The following TXLNB variants were observed in gnomAD, a reference collection of about 807,000 sequenced individuals.
TXLNB encodes the protein taxilin beta.
TXLNB carries 37 observed loss-of-function variants against 57.4 expected under a neutral mutation model. That is an observed-to-expected ratio of 0.64 (90% CI 0.50 to 0.85). The LOEUF is 0.85. Among genes scored for constraint, TXLNB ranks in the 40% least tolerant of loss-of-function variants. The pLI is 0.00. For missense variants in TXLNB, 848 were observed against 825.6 expected (o/e 1.03, Z -0.33); for synonymous variants, 302 against 309.6 (o/e 0.98, Z 0.26).
chr6:139,174,339 T>G, the TXLNB span: 2 of 1,564,152 alleles, frequency 1.3e-6, no homozygotes, highest in Non-Finnish European at 1.7e-6. Flanking sequence ...AGATGAAATG[T>G]GATTTCCATG....
the TXLNB span, among the ~76,000 whole-genome samples, chr6:139,185,379 A>C: frequency 6.6e-6 from 1 of 152,228 alleles, no homozygotes; most frequent in Non-Finnish European, 1.5e-5. Flanking sequence ...AATGCAGTTC[A>C]CTTTAAAGAC....
At chr6:139,192,636 G>C in the TXLNB span, among the ~76,000 whole-genome samples, 11 of 152,108 alleles carry the variant, frequency 7.2e-5, no homozygotes, top group African/African-American at 2.4e-4. Flanking sequence ...GTTTTCACTT[G>C]ATCACTCCAC....
intron 6 of TXLNB, among the ~76,000 whole-genome samples, chr6:139,257,218 T>C (rs1776367289): frequency 1.3e-5 from 2 of 152,170 alleles, no homozygotes; most frequent in Non-Finnish European, 2.9e-5. Flanking sequence ...TGTTTAGCGA[T>C]AGTGCTAGAA....
At chr6:139,283,657 A>G (rs1423549926) in intron 2 of TXLNB, among the ~76,000 whole-genome samples, 2 of 145,414 alleles carry the variant, frequency 1.4e-5, no homozygotes, top group East Asian at 4.0e-4. Context: ...GCCCATCACT[A>G]TTTTAGATCT....
At chr6:139,270,874 G>T (rs1257675896) in intron 3 of TXLNB, among the ~76,000 whole-genome samples, 1 of 152,070 alleles carries the variant, frequency 6.6e-6, no homozygotes, top group Non-Finnish European at 1.5e-5. Context: ...ATCTATTTTT[G>T]GATGGTCTAG....
chr6:139,294,425 T>C (rs1236418852), upstream of TXLNB, among the ~76,000 whole-genome samples: 10 of 152,178 alleles, frequency 6.6e-5, no homozygotes, highest in East Asian at 1.9e-3. Context: ...GTCTGAATGT[T>C]TGTGTCCCCC....
chr6:139,322,149 G>A, the TXLNB span, among the ~76,000 whole-genome samples: 1 of 152,056 alleles, frequency 6.6e-6, no homozygotes, highest in Admixed American at 6.6e-5. Context: ...ACAGCCTATT[G>A]ACATCTCTGC....
chr6:139,263,057 C>T (rs898491918), intron 4 of TXLNB, among the ~76,000 whole-genome samples: 3 of 152,132 alleles, frequency 2.0e-5, no homozygotes, highest in Admixed American at 6.5e-5. Context: ...TGAACTGCAG[C>T]GATTTCTAAC....
chr6:139,193,660 T>C, the TXLNB span, among the ~76,000 whole-genome samples: 2 of 26,456 alleles, frequency 7.6e-5, no homozygotes, highest in Non-Finnish European at 2.3e-4. Flanking sequence ...TCTTCTCACT[T>C]TTTTTTTTTT....
Position 139,260,552 on chromosome 6 carries a change from G to A in TXLNB, c.883-115C>T, listed in dbSNP as rs533300434. ...CCAGGTTTTAAGATTTAAAAGAAGA[G>A]AGGGATAAATGCATTGGCATCACTT... On this transcript the variant is annotated intron_variant, in intron 5 of 9. Coordinates refer to ENST00000358430, the MANE Select transcript of TXLNB (RefSeq NM_153235.4). The A allele has an allele frequency of 5.1e-6, 6 of 1,180,958 alleles. No individual in the cohort carries two copies. The African/African-American group carries it at 7.7e-5, about 15-fold the overall frequency. The allele number at this position is 1,180,958 out of a possible 1,614,324, so 73.2% of individuals were successfully genotyped here.
chr6:139,172,178 G>A, the TXLNB span, among the ~76,000 whole-genome samples: 2 of 152,136 alleles, frequency 1.3e-5, no homozygotes, highest in Non-Finnish European at 2.9e-5. Context: ...TGCCCAGGCT[G>A]GTCTTGAACT....
intron 2 of TXLNB, among the ~76,000 whole-genome samples, chr6:139,279,911 G>A (rs149911103): frequency 1.0e-3 from 159 of 152,320 alleles, no homozygotes; most frequent in African/African-American, 3.5e-3. Flanking sequence ...CAGACACAGC[G>A]CTGTTGCATA....
the TXLNB span, among the ~76,000 whole-genome samples, chr6:139,209,150 C>T: frequency 3.9e-5 from 6 of 152,036 alleles, no homozygotes; most frequent in Admixed American, 2.0e-4. Flanking sequence ...CCAACAATGA[C>T]CAAGCTGAGA....
At chr6:139,188,168 CTG>C in the TXLNB span, among the ~76,000 whole-genome samples, 5 of 152,120 alleles carry the variant, frequency 3.3e-5, no homozygotes, top group African/African-American at 9.7e-5. Flanking sequence ...ATTGCAGATC[CTG>C]TGTCATGGAT....
At chr6:139,313,294 G>A in the TXLNB span, among the ~76,000 whole-genome samples, 62 of 152,166 alleles carry the variant, frequency 4.1e-4, no homozygotes, top group African/African-American at 1.5e-3. Context: ...GGATGGTCTC[G>A]ATCTCCTGAT....
At chr6:139,243,359 CAT>C in intron 9 of TXLNB, 45 bp from the exon 10 acceptor site, 5 of 1,535,086 alleles carry the variant, frequency 3.3e-6, no homozygotes, top group Non-Finnish European at 4.4e-6. Context: ...GATGAAATGA[CAT>C]GATAAGCAAA....
the TXLNB span, among the ~76,000 whole-genome samples, chr6:139,221,823 G>A: frequency 6.6e-6 from 1 of 152,160 alleles, no homozygotes; most frequent in East Asian, 1.9e-4. Flanking sequence ...CAGAAGATAG[G>A]AGTAAAGGAT....
At chr6:139,206,857 A>G in the TXLNB span, among the ~76,000 whole-genome samples, 1 of 152,212 alleles carries the variant, frequency 6.6e-6, no homozygotes, top group South Asian at 2.1e-4. Context: ...ATTCTTAGAT[A>G]AAGCAGACTT....
At chr6:139,267,446 A>G (rs1776644018) in intron 4 of TXLNB, among the ~76,000 whole-genome samples, 1 of 152,208 alleles carries the variant, frequency 6.6e-6, no homozygotes, top group Non-Finnish European at 1.5e-5. Flanking sequence ...AAAATTAAGA[A>G]TGTATATTGT....
Sources: gnomAD v4.1 joint callset for allele counts (sites outside exome capture counted in the v4.1 genomes callset) on GRCh38, gnomAD v4.1.1 for gene constraint, MANE v1.5 for transcripts, NCBI Gene and HGNC (gene_info 2026-07-23, HGNC 2026-07-21) for gene names.